Variants in PUM1 observed in about 807,000 individuals in gnomAD.
PUM1 encodes pumilio RNA binding family member 1, also known as pumilio homolog 1.
PUM1 carries 13 observed loss-of-function variants against 131.8 expected under a neutral mutation model. That is an observed-to-expected ratio of 0.10 (90% CI 0.06 to 0.16). The LOEUF is 0.16. Among genes scored for constraint, PUM1 ranks in the 10% least tolerant of loss-of-function variants. The pLI, the probability that PUM1 is intolerant of heterozygous loss-of-function variation, is 1.00. For synonymous variants in PUM1, 509 were observed against 556.5 expected (o/e 0.91, Z 1.20); for missense variants, 961 against 1,512.4 (o/e 0.64, Z 6.05).
intron 5 of PUM1, among the ~76,000 whole-genome samples, chr1:31,004,421 G>A (rs985608226): frequency 1.3e-5 from 2 of 152,172 alleles, no homozygotes; most frequent in African/African-American, 4.8e-5. Context: ...ACTAATTTCT[G>A]CTGAGGAATC....
chr1:31,017,911 T>C (rs1273122305), intron 3 of PUM1, among the ~76,000 whole-genome samples: 2 of 152,004 alleles, frequency 1.3e-5, no homozygotes, highest in African/African-American at 4.8e-5. Flanking sequence ...GGAAAGCAAA[T>C]GAATATTGGG....
At chr1:30,952,487 T>G in intron 15 of PUM1, 124 bp from the exon 16 acceptor site, 1 of 1,441,992 alleles carries the variant, frequency 6.9e-7, no homozygotes, top group East Asian at 2.4e-5. Context: ...TGCACACACA[T>G]GCACACAATA....
At chr1:31,058,495 C>T (rs1027720228) in intron 2 of PUM1, among the ~76,000 whole-genome samples, 4 of 150,930 alleles carry the variant, frequency 2.7e-5, no homozygotes, top group African/African-American at 9.7e-5. Flanking sequence ...CCCGTCTCTA[C>T]CAAAAAAAAT....
At chr1:30,942,705 C>G (rs1468561820) in intron 18 of PUM1, among the ~76,000 whole-genome samples, 1 of 152,156 alleles carries the variant, frequency 6.6e-6, no homozygotes, top group Non-Finnish European at 1.5e-5. Flanking sequence ...ATAATAAGAG[C>G]AATAATAGCA....
chr1:30,954,748 A>G (rs1570121703), intron 14 of PUM1, among the ~76,000 whole-genome samples: 1 of 152,130 alleles, frequency 6.6e-6, no homozygotes, highest in Non-Finnish European at 1.5e-5. Flanking sequence ...TAAAACAAAC[A>G]TATGACCAAA....
chr1:31,013,865 T>A (rs897208531), intron 3 of PUM1, among the ~76,000 whole-genome samples: 3 of 152,236 alleles, frequency 2.0e-5, no homozygotes, highest in South Asian at 4.1e-4. Flanking sequence ...CTTTTATAAA[T>A]ACTAAGAACT....
chr1:30,933,469 CA>C, intron 21 of PUM1, 127 bp from the exon 22 acceptor site: 5 of 847,070 alleles, frequency 5.9e-6, no homozygotes, highest in Non-Finnish European at 9.4e-6. Context: ...CACACACACA[CA>C]CACACACACA....
intron 5 of PUM1, among the ~76,000 whole-genome samples, chr1:31,004,276 A>G (rs147399374): frequency 6.6e-6 from 1 of 152,340 alleles, no homozygotes; most frequent in African/African-American, 2.4e-5. Context: ...GCCTCCTACA[A>G]GCTTCACAGT....
intron 12 of PUM1, 99 bp from the exon 13 acceptor site, chr1:30,966,377 A>C (rs1640620866): frequency 8.4e-7 from 1 of 1,190,678 alleles, no homozygotes. Flanking sequence ...AATGCTGCCT[A>C]TCTTTTCAAA....
intron 1 of PUM1, among the ~76,000 whole-genome samples, chr1:31,064,156 A>T (rs992585921): frequency 6.6e-6 from 1 of 152,200 alleles, no homozygotes; most frequent in Non-Finnish European, 1.5e-5. Context: ...TCCATGGCTC[A>T]CCTTTTACTA....
At chr1:31,044,433 T>C (rs1337032707) in intron 2 of PUM1, among the ~76,000 whole-genome samples, 1 of 151,924 alleles carries the variant, frequency 6.6e-6, no homozygotes, top group Non-Finnish European at 1.5e-5. Context: ...GATGTACTGA[T>C]AAATGCTACA....
chr1:30,942,198 T>G, intron 18 of PUM1, 75 bp from the exon 19 acceptor site: 2 of 25,654 alleles, frequency 7.8e-5, no homozygotes, highest in Non-Finnish European at 2.0e-4. Context: ...TGTTTATATA[T>G]ATATATATAT....
At chr1:31,065,323 G>A (rs1401547094) in intron 1 of PUM1, among the ~76,000 whole-genome samples, 1 of 152,044 alleles carries the variant, frequency 6.6e-6, no homozygotes, top group Non-Finnish European at 1.5e-5. Flanking sequence ...AACAGGGCCA[G>A]GCAAAAATGT....
chr1:31,048,473 A>AT (rs1273006252), intron 2 of PUM1, among the ~76,000 whole-genome samples: 3 of 148,224 alleles, frequency 2.0e-5, no homozygotes, highest in Admixed American at 1.4e-4. Flanking sequence ...TTTTATTTTT[A>AT]TTTTTTTTAT....
intron 14 of PUM1, among the ~76,000 whole-genome samples, 175 bp downstream of exon 14, chr1:30,964,499 G>T (rs2124437489): frequency 6.6e-6 from 1 of 152,256 alleles, no homozygotes; most frequent in Non-Finnish European, 1.5e-5. Context: ...AGCCAAAACT[G>T]CTATACTATC....
intron 7 of PUM1, among the ~76,000 whole-genome samples, chr1:30,985,669 AG>A (rs1193688192): frequency 1.8e-4 from 27 of 151,202 alleles, no homozygotes; most frequent in Middle Eastern, 3.4e-3. Context: ...AAAAAAAAAA[AG>A]AGTCAAAATC....
intron 18 of PUM1, 68 bp from the exon 19 acceptor site, chr1:30,942,191 T>TTTTATATATATATATATATA (rs1425100677): frequency 2.8e-5 from 4 of 143,398 alleles, no homozygotes; most frequent in African/African-American, 1.2e-4. Flanking sequence ...TCAGTATTGT[T>TTTTATATATATATATATATA]TATATATATA....
At chr1:30,994,283 A>C (rs1331079410) in intron 6 of PUM1, among the ~76,000 whole-genome samples, 1 of 152,116 alleles carries the variant, frequency 6.6e-6, no homozygotes, top group African/African-American at 2.4e-5. Context: ...CTTTACACTG[A>C]TATTAAAATT....
At chr1:30,983,239 A>G (rs944161988) in intron 7 of PUM1, among the ~76,000 whole-genome samples, 3 of 152,246 alleles carry the variant, frequency 2.0e-5, no homozygotes, top group African/African-American at 7.2e-5. Context: ...GAAATAAGTA[A>G]AACAGTAGAA....
Sources: allele counts gnomAD v4.1 joint callset (sites outside exome capture counted in the v4.1 genomes callset), GRCh38; gene constraint gnomAD v4.1.1; transcripts MANE v1.5; gene names NCBI Gene and HGNC (gene_info 2026-07-23, HGNC 2026-07-21).